BBX: variants seen among roughly 807,000 people sequenced by gnomAD.
The protein encoded by BBX is BBX high mobility group box domain containing.
In BBX, 30 loss-of-function variants were observed where a neutral mutation model predicts 100.2. The observed-to-expected ratio is 0.30, with a 90% CI of 0.22 to 0.41. The LOEUF is 0.41. Ranked by LOEUF, BBX falls within the 10% of genes least tolerant of loss-of-function variation. The pLI is 1.00. For synonymous variants in BBX, 376 were observed against 388.1 expected, an observed-to-expected ratio of 0.97 and a Z score of 0.37; for missense variants, 1,023 against 1,129.8, an observed-to-expected ratio of 0.91 and a Z score of 1.35.
intron 6 of BBX, among the ~76,000 whole-genome samples, chr3:107,732,636 C>A (rs1344076624): frequency 1.3e-5 from 2 of 152,042 alleles, no homozygotes; most frequent in African/African-American, 2.4e-5. Flanking sequence ...TTTAAAAAAT[C>A]TTATCTAAAC....
chr3:107,542,517 T>G (rs918337269), intron 2 of BBX, among the ~76,000 whole-genome samples: 3 of 152,252 alleles, frequency 2.0e-5, no homozygotes, highest in Admixed American at 1.3e-4. Context: ...GTTTGGCTTT[T>G]CATGTAAAGT....
intron 4 of BBX, among the ~76,000 whole-genome samples, chr3:107,714,933 G>A (rs930129012): frequency 4.0e-5 from 6 of 151,846 alleles, no homozygotes; most frequent in African/African-American, 9.7e-5. Context: ...CTACAGGCAC[G>A]CGCCACCATG....
At chr3:107,549,772 G>T (rs1391567416) in intron 2 of BBX, among the ~76,000 whole-genome samples, 1 of 152,012 alleles carries the variant, frequency 6.6e-6, no homozygotes, top group Admixed American at 6.6e-5. Context: ...CTTCTCTTAA[G>T]ACTTTTCCTT....
chr3:107,662,340 C>T (rs975115981), intron 3 of BBX, among the ~76,000 whole-genome samples: 2 of 152,124 alleles, frequency 1.3e-5, no homozygotes, highest in Admixed American at 1.3e-4. Context: ...TGAGTGAATC[C>T]CTGACGGTGG....
rs114957496 is a variant in BBX, at chr3:107,793,180, G to A, written c.2353+1881G>A. ...TGATTTTATTGCTCTGATATCTTGA[G>A]TAAGTATTGTGTTACTAGAAGTACT... On this transcript the variant is annotated intron_variant, in intron 15 of 17. Coordinates refer to ENST00000325805, the MANE Select transcript of BBX (RefSeq NM_001142568.3). Among the ~76,000 whole-genome samples the A allele has an allele frequency of 3.8e-3, 573 of 152,272 alleles. 5 individuals are homozygous for A. Among genetic ancestry groups the A allele is most frequent in the African/African-American group, 0.013 (539 of 41,556 alleles).
At chr3:107,608,894 G>A (rs1039356094) in intron 2 of BBX, among the ~76,000 whole-genome samples, 2 of 152,052 alleles carry the variant, frequency 1.3e-5, no homozygotes, top group Non-Finnish European at 2.9e-5. Context: ...ACTGATTTTA[G>A]TACACTGATC....
intron 2 of BBX, among the ~76,000 whole-genome samples, chr3:107,538,834 G>T (rs551072): frequency 0.1 from 15,233 of 152,062 alleles, 892 homozygotes; most frequent in Non-Finnish European, 0.12. Context: ...GCCCCAGCTA[G>T]GGTGCAGTGG....
At chr3:107,543,463 T>C (rs966551103) in intron 2 of BBX, among the ~76,000 whole-genome samples, 1 of 152,226 alleles carries the variant, frequency 6.6e-6, no homozygotes, top group Non-Finnish European at 1.5e-5. Context: ...ATGTTATGTA[T>C]TGTTAGAATG....
Position 107,718,970 on chromosome 3 carries a change from C to T in BBX, c.405+2121C>T, listed in dbSNP as rs550898664. Among the ~76,000 whole-genome samples, 3 of 152,146 alleles carry T rather than the reference C, an allele frequency of 2.0e-5. No individual in the cohort carries two copies. In the South Asian group the frequency reaches 6.2e-4, roughly 32 times the overall value. On this transcript the variant is annotated intron_variant, in intron 5 of 17. Coordinates refer to ENST00000325805, the MANE Select transcript of BBX (RefSeq NM_001142568.3). ...AGTCGTAAGTGATTCCTACTTGTTT[C>T]ATCTTACTTTCTAAATGGTTTTGCA...
intron 2 of BBX, among the ~76,000 whole-genome samples, chr3:107,560,574 A>G (rs922056486): frequency 3.3e-5 from 5 of 152,192 alleles, no homozygotes; most frequent in African/African-American, 9.6e-5. Context: ...ATAGAATGGT[A>G]TTAGTTGTTG....
At chr3:107,737,753 C>T (rs538763952) in intron 7 of BBX, among the ~76,000 whole-genome samples, 11 of 152,058 alleles carry the variant, frequency 7.2e-5, no homozygotes, top group African/African-American at 2.6e-4. Context: ...CATTGATTTT[C>T]GTTTGTTCAC....
chr3:107,561,394 G>A (rs13317489), intron 2 of BBX, among the ~76,000 whole-genome samples: 17,890 of 152,162 alleles, frequency 0.12, 1,396 homozygotes, highest in Middle Eastern at 0.19. Flanking sequence ...ATATGCCCTT[G>A]TGAAACTCTA....
intron 2 of BBX, among the ~76,000 whole-genome samples, chr3:107,548,909 TTCTC>T (rs2049445748): frequency 6.6e-6 from 1 of 152,160 alleles, no homozygotes; most frequent in Non-Finnish European, 1.5e-5. Flanking sequence ...AAATACCACA[TTCTC>T]TCAGTTATAA....
chr3:107,606,985 C>T (rs2054495045), intron 2 of BBX, among the ~76,000 whole-genome samples: 1 of 152,116 alleles, frequency 6.6e-6, no homozygotes, highest in African/African-American at 2.4e-5. Flanking sequence ...GTTCAGTTGT[C>T]TTAATTTTTA....
intron 2 of BBX, among the ~76,000 whole-genome samples, chr3:107,630,481 G>T (rs921234725): frequency 3.9e-5 from 6 of 152,054 alleles, no homozygotes; most frequent in African/African-American, 1.2e-4. Context: ...TACATTTCTG[G>T]GGTGGAAGTG....
intron 15 of BBX, among the ~76,000 whole-genome samples, chr3:107,797,955 C>T (rs72943044): frequency 0.044 from 6,645 of 152,244 alleles, 436 homozygotes; most frequent in African/African-American, 0.15. Flanking sequence ...CTTTCCTTGG[C>T]GTGCTGGCTT....
At chr3:107,689,441 T>G (rs1339935411) in intron 3 of BBX, among the ~76,000 whole-genome samples, 1 of 152,182 alleles carries the variant, frequency 6.6e-6, no homozygotes, top group Non-Finnish European at 1.5e-5. Context: ...CACTTCTGCC[T>G]CAGAAAAATT....
At chr3:107,592,690 T>C (rs921382241) in intron 2 of BBX, among the ~76,000 whole-genome samples, 2 of 152,144 alleles carry the variant, frequency 1.3e-5, no homozygotes, top group African/African-American at 4.8e-5. Context: ...AATGCCGAGG[T>C]AACTTTTTCA....
chr3:107,733,642 A>G (rs1387240751), intron 7 of BBX, among the ~76,000 whole-genome samples: 1 of 151,952 alleles, frequency 6.6e-6, no homozygotes, highest in Non-Finnish European at 1.5e-5. Flanking sequence ...AAGCCCAGCT[A>G]ATTTTTGTAT....
Sources: gnomAD v4.1 joint callset for allele counts (sites outside exome capture counted in the v4.1 genomes callset) on GRCh38, gnomAD v4.1.1 for gene constraint, MANE v1.5 for transcripts, NCBI Gene and HGNC (gene_info 2026-07-23, HGNC 2026-07-21) for gene names.